The following MYOM1 variants were observed in gnomAD, a reference collection of about 807,000 sequenced individuals.
MYOM1 encodes the protein myomesin-1.
Under a neutral mutation model 205.3 loss-of-function variants are expected in MYOM1, and 164 were observed. The ratio of observed to expected loss-of-function variants is 0.80; its 90% confidence interval spans 0.70 to 0.91. MYOM1 has a LOEUF of 0.91. Ranked by LOEUF, MYOM1 falls within the 40% of genes least tolerant of loss-of-function variation. MYOM1 has a pLI of 0.00. For synonymous variants in MYOM1, 772 were observed against 789.4 expected (o/e 0.98, Z 0.37); for missense variants, 2,011 against 2,127.3 (o/e 0.95, Z 1.08).
Position 3,179,934 on chromosome 18 carries a change from G to A in MYOM1, c.930-3800C>T, listed in dbSNP as rs1295177595. On this transcript the variant is annotated intron_variant, in intron 5 of 37. Transcript: ENST00000356443. The surrounding 1 kb of genome is among the most constrained non-coding windows in gnomAD (Gnocchi z 4.4). ...TGTGACATGTGCTGTTTGACCAAAT[G>A]ACTCAGTGACACTCAATTCGGCTTC... Among the ~76,000 whole-genome samples, 1 of 152,128 alleles carries A rather than the reference G, an allele frequency of 6.6e-6. No individual in the cohort carries two copies. Among genetic ancestry groups the A allele is most frequent in the African/African-American group, 2.4e-5 (1 of 41,418 alleles).
chr18:3,235,178 C>T, the MYOM1 span, among the ~76,000 whole-genome samples: 1 of 152,166 alleles, frequency 6.6e-6, no homozygotes, highest in Non-Finnish European at 1.5e-5. Flanking sequence ...AGCACTTCTA[C>T]ATTTTTTTCT....
chr18:3,229,782 C>T, the MYOM1 span, among the ~76,000 whole-genome samples: 1 of 152,088 alleles, frequency 6.6e-6, no homozygotes, highest in African/African-American at 2.4e-5. Flanking sequence ...CCAGCCTGAC[C>T]AACATGGAGA....
intron 10 of MYOM1, among the ~76,000 whole-genome samples, chr18:3,159,080 A>C (rs577236488): frequency 6.6e-6 from 1 of 152,338 alleles, no homozygotes; most frequent in African/African-American, 2.4e-5. Flanking sequence ...GTGTGAAAAA[A>C]AAAGAAAAGA....
intron 10 of MYOM1, among the ~76,000 whole-genome samples, chr18:3,163,507 C>T (rs2080424735): frequency 6.6e-6 from 1 of 152,076 alleles, no homozygotes; most frequent in Admixed American, 6.5e-5. Flanking sequence ...GGCTGGAGTG[C>T]AGTGGCATAA....
chr18:3,075,101 A>G (rs1455464742), intron 36 of MYOM1, among the ~76,000 whole-genome samples: 1 of 152,066 alleles, frequency 6.6e-6, no homozygotes, highest in Non-Finnish European at 1.5e-5. Context: ...GGCCCTTACA[A>G]TGTTTCTTGT....
At chr18:3,148,907 GTAAAATTTATCA>G (rs1028987380) in intron 13 of MYOM1, among the ~76,000 whole-genome samples, 4 of 142,630 alleles carry the variant, frequency 2.8e-5, no homozygotes, top group Non-Finnish European at 4.6e-5. Flanking sequence ...ATATACATGT[GTAAAATTTATCA>G]AATTGTACAT....
chr18:3,125,441 T>G (rs1430971026), intron 19 of MYOM1, among the ~76,000 whole-genome samples: 1 of 151,736 alleles, frequency 6.6e-6, no homozygotes, highest in East Asian at 1.9e-4. Flanking sequence ...CCACATGCAC[T>G]AACAGGGAAG....
chr18:3,187,857 CTTTTTTTT>C (rs763218658), intron 4 of MYOM1, among the ~76,000 whole-genome samples: 11 of 124,224 alleles, frequency 8.9e-5, no homozygotes, highest in Admixed American at 4.0e-4. Context: ...ATTTCTTTTT[CTTTTTTTT>C]TTTTTTTTTT....
intron 16 of MYOM1, among the ~76,000 whole-genome samples, chr18:3,131,736 T>C (rs936315346): frequency 3.9e-5 from 6 of 151,986 alleles, no homozygotes; most frequent in Admixed American, 2.6e-4. Context: ...GTAAGCAGCA[T>C]GCCCAGCTAA....
At chr18:3,186,781 GGAGA>G (rs370961705) in intron 5 of MYOM1, among the ~76,000 whole-genome samples, 3,758 of 124,022 alleles carry the variant, frequency 0.03, 152 homozygotes, top group African/African-American at 0.11. Context: ...AAGGAAGGAA[GGAGA>G]GAGAGAAAGA....
At chr18:3,237,598 C>CA in the MYOM1 span, among the ~76,000 whole-genome samples, 3,563 of 50,888 alleles carry the variant, frequency 0.07, 62 homozygotes, top group Non-Finnish European at 0.09. Context: ...GACTCCGTCT[C>CA]AAAAAAAAAA....
chr18:3,242,566 C>T, the MYOM1 span, among the ~76,000 whole-genome samples: 18 of 152,200 alleles, frequency 1.2e-4, no homozygotes, highest in East Asian at 7.7e-4. Flanking sequence ...TTGAGGGCAG[C>T]GGCATGATCT....
At chr18:3,229,929 T>C in the MYOM1 span, among the ~76,000 whole-genome samples, 11 of 139,388 alleles carry the variant, frequency 7.9e-5, no homozygotes, top group South Asian at 4.4e-4. Flanking sequence ...TGAGCCGAGA[T>C]TGCGCCATTG....
chr18:3,174,219 A>T lies in MYOM1; in HGVS notation c.1023-11T>A. 6.2e-7 allele frequency: 1 copy of T among 1,609,076 alleles called. No homozygotes were observed. Among genetic ancestry groups the T allele is most frequent in the Non-Finnish European group, 8.5e-7 (1 of 1,176,376 alleles). Reference sequence around the variant, plus strand: ...TCTTCAAAATCACATCTGAAAGAACAGACGGAAATGAATATCCATCGTAGT... The same window carrying T: ...TCTTCAAAATCACATCTGAAAGAACTGACGGAAATGAATATCCATCGTAGT... On this transcript the variant is annotated splice_polypyrimidine_tract_variant and intron_variant, in intron 6 of 37. Transcript: ENST00000356443.
At chr18:3,094,610 G>C (rs1370692076) in intron 25 of MYOM1, among the ~76,000 whole-genome samples, 1 of 151,918 alleles carries the variant, frequency 6.6e-6, no homozygotes, top group African/African-American at 2.4e-5. Flanking sequence ...GGCACTTGTA[G>C]CTAATATCTG....
At chr18:3,237,993 G>A in the MYOM1 span, among the ~76,000 whole-genome samples, 13 of 152,248 alleles carry the variant, frequency 8.5e-5, no homozygotes, top group South Asian at 1.0e-3. Flanking sequence ...GGTGGCGGTC[G>A]GGGGGCAATG....
At chr18:3,154,490 G>T (rs1012553882) in intron 11 of MYOM1, among the ~76,000 whole-genome samples, 3 of 151,758 alleles carry the variant, frequency 2.0e-5, no homozygotes, top group Non-Finnish European at 2.9e-5. Flanking sequence ...TTCCAAAGAT[G>T]AATTTTGTGA....
At chr18:3,194,785 C>A (rs2080970653) in intron 2 of MYOM1, among the ~76,000 whole-genome samples, 1 of 151,572 alleles carries the variant, frequency 6.6e-6, no homozygotes, top group Non-Finnish European at 1.5e-5. Context: ...TCCCTGAAGT[C>A]AATCCATGAA....
intron 37 of MYOM1, among the ~76,000 whole-genome samples, chr18:3,068,018 T>C (rs1254635731): frequency 6.6e-6 from 1 of 152,160 alleles, no homozygotes; most frequent in Non-Finnish European, 1.5e-5. Flanking sequence ...CAGATAATGT[T>C]ACTGATTTTC....
Sources: gnomAD v4.1 joint callset for allele counts (sites outside exome capture counted in the v4.1 genomes callset) on GRCh38, gnomAD v4.1.1 for gene constraint, Gnocchi (gnomAD v3.1) non-coding constraint, MANE v1.5 for transcripts, NCBI Gene and HGNC (gene_info 2026-07-23, HGNC 2026-07-21) for gene names.